Variants in VPS35L observed in about 807,000 individuals in gnomAD.
The protein encoded by VPS35L is VPS35 endosomal protein sorting factor like.
A neutral mutation model predicts 133.0 loss-of-function variants in VPS35L; 83 were observed. The ratio of observed to expected loss-of-function variants is 0.62; its 90% CI spans 0.52 to 0.75. VPS35L has a LOEUF of 0.75. VPS35L is among the 30% of genes least tolerant of loss of function. The probability of loss-of-function intolerance (pLI) is 0.00; values close to 1 mark genes in which losing one functional copy is unlikely to be tolerated. For missense variants in VPS35L, 1,083 were observed against 1,206.8 expected, an observed-to-expected ratio of 0.90 and a Z score of 1.52; for synonymous variants, 423 against 449.9, an observed-to-expected ratio of 0.94 and a Z score of 0.76.
chr16:19,639,316 G>A lies in VPS35L; in HGVS notation c.1699-699G>A, dbSNP rs1382930375. Among the ~76,000 whole-genome samples, 1 of 151,998 alleles carries A rather than the reference G, an allele frequency of 6.6e-6. No individual in the cohort carries two copies. Among genetic ancestry groups the A allele is most frequent in the African/African-American group, 2.4e-5 (1 of 41,372 alleles). On this transcript the variant is annotated intron_variant, in intron 20 of 30. Transcript: ENST00000417362. The surrounding 1 kb of genome is among the most constrained non-coding windows in gnomAD (Gnocchi z 4.1). ...CCGAGGTTAGTATTCAGAGCCAGGC[G>A]GTCCAATTTCGAGGCCATCTGTGAA...
chr16:19,695,482 T>C (rs1975873701), intron 29 of VPS35L, among the ~76,000 whole-genome samples: 1 of 152,210 alleles, frequency 6.6e-6, no homozygotes, highest in Admixed American at 6.5e-5. Flanking sequence ...ATACCAGCGA[T>C]GTTCACTGAA....
At chr16:19,559,264 T>A (rs1970953726) in intron 1 of VPS35L, among the ~76,000 whole-genome samples, 1 of 152,200 alleles carries the variant, frequency 6.6e-6, no homozygotes, top group South Asian at 2.1e-4. Context: ...AAAATGCAGA[T>A]CTGATTCTGT....
intron 15 of VPS35L, among the ~76,000 whole-genome samples, chr16:19,627,293 A>C (rs951698258): frequency 6.6e-6 from 1 of 151,326 alleles, no homozygotes; most frequent in Non-Finnish European, 1.5e-5. Flanking sequence ...AAAAAAAAAA[A>C]CAAAAAAACC....
At chr16:19,616,261 T>G in intron 13 of VPS35L, 70 bp downstream of exon 13, 1 of 1,405,200 alleles carries the variant, frequency 7.1e-7, no homozygotes, top group Non-Finnish European at 1.0e-6. Context: ...AAAACCCAGT[T>G]GGTTTTCCAA....
At chr16:19,595,745 G>C (rs4782261) in intron 8 of VPS35L, among the ~76,000 whole-genome samples, 1 of 152,186 alleles carries the variant, frequency 6.6e-6, no homozygotes. Flanking sequence ...TGCAGATGCT[G>C]CTGTCCTTGT....
chr16:19,584,703 T>A (rs955338395), intron 7 of VPS35L, among the ~76,000 whole-genome samples: 2 of 152,048 alleles, frequency 1.3e-5, no homozygotes, highest in Admixed American at 6.6e-5. Flanking sequence ...TGTTTTTTTT[T>A]ATTAAGAGAT....
At chr16:19,690,892 G>T (rs1470617791) in intron 28 of VPS35L, among the ~76,000 whole-genome samples, 4 of 152,088 alleles carry the variant, frequency 2.6e-5, no homozygotes, top group Non-Finnish European at 1.5e-5. Flanking sequence ...GAGCCTTGAG[G>T]CGGAGGTTGC....
In VPS35L at chr16:19,569,165, C is replaced by T. The variant is rs948603072; in HGVS notation, c.118-259C>T. ...ACATAGGGAACCCCAGGTGCTGTAG[C>T]CATCTCAGTCCAGTGACCTCTCAAT... is the stretch of plus-strand genomic sequence containing the variant. On this transcript the variant is annotated intron_variant, in intron 2 of 30. Coordinates refer to ENST00000417362, the MANE Select transcript of VPS35L (RefSeq NM_020314.7). The T allele has an allele frequency of 2.7e-5, 17 of 641,406 alleles. No individual in the cohort carries two copies. The African/African-American group carries it at 2.9e-4, about 11-fold the overall frequency. 39.7% of individuals were successfully genotyped at this position (641,406 alleles called of 1,614,324 possible). A position where few individuals can be genotyped will look rare whatever the true frequency, so the allele number is the denominator to read the frequency against.
chr16:19,559,515 A>G (rs1163235896), intron 1 of VPS35L, among the ~76,000 whole-genome samples: 1 of 152,190 alleles, frequency 6.6e-6, no homozygotes, highest in East Asian at 1.9e-4. Context: ...GATTTTTGAG[A>G]AAATGCCCAC....
chr16:19,611,094 G>T (rs8059382), intron 12 of VPS35L, among the ~76,000 whole-genome samples: 3,883 of 152,232 alleles, frequency 0.026, 194 homozygotes, highest in African/African-American at 0.09. Flanking sequence ...CCACCGCCTG[G>T]GTTCAAATGA....
At chr16:19,611,616 G>A (rs1253046500) in intron 12 of VPS35L, 1 of 152,188 alleles carries the variant, frequency 6.6e-6, no homozygotes, top group African/African-American at 2.4e-5. Flanking sequence ...AGTGCCCTCA[G>A]AGTGAGGAGC....
At position 19,623,655 on chromosome 16, in the gene VPS35L, C is replaced by A. The variant is rs575723743; in HGVS notation, c.1225-2522C>A. 3.3e-5 allele frequency among the ~76,000 whole-genome samples: 5 copies of A among 151,938 alleles called. No individual in the cohort carries two copies. The South Asian group carries it at 6.2e-4, about 19-fold the overall frequency. ...GGCAACATGACAGAGAGGGGTGCCACCAGAAAGGGTGGAATTGCACTTAAG... is the reference window on the plus strand; with the variant it reads ...GGCAACATGACAGAGAGGGGTGCCAACAGAAAGGGTGGAATTGCACTTAAG... On this transcript the variant is annotated intron_variant, in intron 14 of 30. Coordinates refer to ENST00000417362, the MANE Select transcript of VPS35L (RefSeq NM_020314.7).
intron 11 of VPS35L, among the ~76,000 whole-genome samples, chr16:19,609,852 G>A (rs142856511): frequency 2.0e-5 from 3 of 152,264 alleles, no homozygotes; most frequent in Admixed American, 6.5e-5. Context: ...GAAGACATAC[G>A]TTGCAGGAGA....
At position 19,679,757 on chromosome 16, in the gene VPS35L, G is replaced by A. The variant is rs527545398; in HGVS notation, c.2362-2468G>A. ...TGACCTCAAGGGATCCGCCCATCTC[G>A]GCCTTCTGAAGTGCTGGGATTACAG... On this transcript the variant is annotated intron_variant, in intron 27 of 30. Transcript: ENST00000417362. Among the ~76,000 whole-genome samples, 19 of 152,148 alleles carry A rather than the reference G, an allele frequency of 1.2e-4. No individual in the cohort carries two copies. The South Asian group carries it at 3.5e-3, about 28-fold the overall frequency.
chr16:19,582,744 G>GTTTACA (rs1971748888), intron 7 of VPS35L, among the ~76,000 whole-genome samples: 1 of 152,266 alleles, frequency 6.6e-6, no homozygotes, highest in South Asian at 2.1e-4. Flanking sequence ...CTTCTAAGAG[G>GTTTACA]TTTACATCTG....
intron 10 of VPS35L, 129 bp downstream of exon 10, chr16:19,608,403 G>T (rs948443324): frequency 4.7e-5 from 33 of 705,508 alleles, no homozygotes; most frequent in African/African-American, 3.6e-4. Flanking sequence ...ACGGTTGCTA[G>T]CCTGAAAACA....
At chr16:19,631,560 C>T (rs1380057890) in intron 18 of VPS35L, among the ~76,000 whole-genome samples, 1 of 152,180 alleles carries the variant, frequency 6.6e-6, no homozygotes, top group Non-Finnish European at 1.5e-5. Context: ...TTGTACCCAT[C>T]AATCAGGAAT....
At chr16:19,587,797 C>CTTTTTT (rs775544331) in intron 7 of VPS35L, among the ~76,000 whole-genome samples, 4 of 118,952 alleles carry the variant, frequency 3.4e-5, no homozygotes, top group Non-Finnish European at 1.7e-5. Flanking sequence ...TCCACATTGT[C>CTTTTTT]TTTTTTTTTT....
chr16:19,632,102 C>T (rs929723612), intron 18 of VPS35L, among the ~76,000 whole-genome samples: 3 of 152,136 alleles, frequency 2.0e-5, no homozygotes, highest in African/African-American at 7.2e-5. Flanking sequence ...ACTAGGACTA[C>T]AGGTGTGTGT....
Sources: allele counts gnomAD v4.1 joint callset (sites outside exome capture counted in the v4.1 genomes callset), GRCh38; gene constraint gnomAD v4.1.1; non-coding constraint Gnocchi (gnomAD v3.1); transcripts MANE v1.5; gene names NCBI Gene and HGNC (gene_info 2026-07-23, HGNC 2026-07-21).